Variants in ADAMTS20 observed in about 807,000 individuals in gnomAD.
ADAMTS20 encodes the protein A disintegrin and metalloproteinase with thrombospondin motifs 20.
In ADAMTS20, 225 loss-of-function variants were observed where a neutral mutation model predicts 260.1. That is an observed-to-expected ratio of 0.87 (90% confidence interval 0.78 to 0.97). ADAMTS20 has a LOEUF of 0.97. ADAMTS20 is among the 50% of genes least tolerant of loss of function. The pLI is 0.00. For missense variants in ADAMTS20, 2,400 were observed against 2,337.7 expected (o/e 1.03, Z -0.55); for synonymous variants, 802 against 769.5 (o/e 1.04, Z -0.70).
chr12:43,505,739 T>C (rs1309816889), intron 3 of ADAMTS20, among the ~76,000 whole-genome samples: 1 of 152,190 alleles, frequency 6.6e-6, no homozygotes, highest in Non-Finnish European at 1.5e-5. Flanking sequence ...ACAATATGGA[T>C]GTTCCTTAAG....
At chr12:43,387,626 G>A (rs1001881956) in intron 29 of ADAMTS20, among the ~76,000 whole-genome samples, 2 of 152,188 alleles carry the variant, frequency 1.3e-5, no homozygotes, top group Admixed American at 1.3e-4. Context: ...TCAGGGAGAT[G>A]GGAGTTTTAT....
At chr12:43,502,781 G>T (rs1417501725) in intron 3 of ADAMTS20, among the ~76,000 whole-genome samples, 3 of 152,016 alleles carry the variant, frequency 2.0e-5, no homozygotes, top group Non-Finnish European at 4.4e-5. Flanking sequence ...AGTCAACAAT[G>T]ACATTTAATC....
At chr12:43,453,452 C>T (rs963821209) in intron 12 of ADAMTS20, among the ~76,000 whole-genome samples, 3 of 152,046 alleles carry the variant, frequency 2.0e-5, no homozygotes, top group South Asian at 2.1e-4. Flanking sequence ...GACAATGATG[C>T]GTCTATAACA....
chr12:43,490,356 C>A, intron 7 of ADAMTS20, 39 bp downstream of exon 7: 1 of 1,034,630 alleles, frequency 9.7e-7, no homozygotes, highest in Non-Finnish European at 1.3e-6. Flanking sequence ...ATTCAATAAA[C>A]AATTACATAA....
chr12:43,528,629 T>A (rs1389710704), intron 3 of ADAMTS20, among the ~76,000 whole-genome samples: 5 of 152,178 alleles, frequency 3.3e-5, no homozygotes, highest in African/African-American at 9.6e-5. Context: ...AATGGATCCC[T>A]ATCTCTCCCC....
chr12:43,522,429 A>G (rs1483667113), intron 3 of ADAMTS20, among the ~76,000 whole-genome samples: 3 of 152,170 alleles, frequency 2.0e-5, no homozygotes, highest in East Asian at 3.9e-4. Flanking sequence ...ATCTAAAGAC[A>G]TTTCATTTTC....
chr12:43,452,823 G>A lies in ADAMTS20; in HGVS notation c.1761-128C>T, dbSNP rs901071726. ...GTCCCACTAACACTTTTTAACAGAA[G>A]TATGTAACATGAGTTTTACGCAATT... On this transcript the variant is annotated intron_variant, in intron 12 of 38. Transcript: ENST00000389420. The A allele has an allele frequency of 5.0e-6, 4 of 805,734 alleles. No homozygotes were observed. In the African/African-American group the frequency reaches 6.9e-5, roughly 14 times the overall value. 49.9% of individuals were successfully genotyped at this position (805,734 alleles called of 1,614,324 possible).
At chr12:43,405,246 A>C (rs1265314253) in intron 28 of ADAMTS20, among the ~76,000 whole-genome samples, 4 of 143,438 alleles carry the variant, frequency 2.8e-5, no homozygotes, top group African/African-American at 5.1e-5. Flanking sequence ...AAAAAAAAAA[A>C]AAAAAAAAAA....
chr12:43,396,054 G>C (rs1033176905), intron 29 of ADAMTS20, among the ~76,000 whole-genome samples: 1 of 151,990 alleles, frequency 6.6e-6, no homozygotes, highest in Non-Finnish European at 1.5e-5. Flanking sequence ...AGGAAGTGGG[G>C]GTGGGGTGGG....
At chr12:43,487,196 AATGTGGTATGTATACAC>A (rs1942536037) in intron 7 of ADAMTS20, among the ~76,000 whole-genome samples, 1 of 152,180 alleles carries the variant, frequency 6.6e-6, no homozygotes, top group African/African-American at 2.4e-5. Context: ...GGGCAAAGAA[AATGTGGTATGTATACAC>A]CATGGATTAC....
intron 31 of ADAMTS20, among the ~76,000 whole-genome samples, chr12:43,380,720 G>A (rs187283081): frequency 6.6e-6 from 1 of 152,186 alleles, no homozygotes; most frequent in East Asian, 1.9e-4. Flanking sequence ...CACACTATAA[G>A]ACACACTTGA....
At chr12:43,373,354 T>C (rs1458966963) in intron 36 of ADAMTS20, among the ~76,000 whole-genome samples, 1 of 152,238 alleles carries the variant, frequency 6.6e-6, no homozygotes, top group Non-Finnish European at 1.5e-5. Flanking sequence ...AACATACTTA[T>C]AACCATATAC....
chr12:43,416,010 C>T (rs1592057342), intron 28 of ADAMTS20, among the ~76,000 whole-genome samples: 1 of 152,272 alleles, frequency 6.6e-6, no homozygotes, highest in East Asian at 1.9e-4. Flanking sequence ...CTCAAAATTA[C>T]CCATCACAGC....
At position 43,375,929 on chromosome 12, in the gene ADAMTS20, C is replaced by T. The variant is rs898996746; in HGVS notation, c.5312+128G>A. The T allele has an allele frequency of 7.6e-5, 53 of 701,884 alleles. 1 individual carries two copies. The highest frequency in any genetic ancestry group is 3.9e-4 in the South Asian group (19 of 48,978). The allele number at this position is 701,884 out of a possible 1,614,324, so 43.5% of individuals were successfully genotyped here. A position where few individuals can be genotyped will look rare whatever the true frequency, so the allele number is the denominator to read the frequency against. Reference sequence around the variant, plus strand: ...TAACAACATCTAGTTTAGGTCCTAACATGTCTACCTGCTCCTACATTATTT... The same window carrying T: ...TAACAACATCTAGTTTAGGTCCTAATATGTCTACCTGCTCCTACATTATTT... On this transcript the variant is annotated intron_variant, in intron 35 of 38. Transcript: ENST00000389420.
chr12:43,462,037 T>C (rs1020612778), intron 11 of ADAMTS20, among the ~76,000 whole-genome samples: 13 of 152,222 alleles, frequency 8.5e-5, no homozygotes, highest in African/African-American at 3.1e-4. Flanking sequence ...CACACACCTT[T>C]TGATGCAAGT....
At chr12:43,429,838 A>G (rs925187181) in intron 23 of ADAMTS20, 114 bp from the exon 24 acceptor site, 2 of 631,924 alleles carry the variant, frequency 3.2e-6, no homozygotes, top group Non-Finnish European at 5.2e-6. Context: ...TAAATTAGAA[A>G]TTGGTAATAT....
intron 37 of ADAMTS20, among the ~76,000 whole-genome samples, chr12:43,367,843 G>A (rs150182553): frequency 2.8e-3 from 433 of 152,076 alleles, no homozygotes; most frequent in Non-Finnish European, 5.4e-3. Context: ...CAGAATTCAA[G>A]ATCAATCCAT....
chr12:43,516,291 G>C lies in ADAMTS20; in HGVS notation c.614-13886C>G, dbSNP rs575729930. Among the ~76,000 whole-genome samples, 63 of 152,298 alleles carry C rather than the reference G, an allele frequency of 4.1e-4. 1 individual carries two copies. The highest frequency in any genetic ancestry group is 1.8e-3 in the Admixed American group (27 of 15,286). On this transcript the variant is annotated intron_variant, in intron 3 of 38. Coordinates refer to ENST00000389420, the MANE Select transcript of ADAMTS20 (RefSeq NM_025003.5). ...GTACTCTGTGAATGCAGCCCAGTCA[G>C]ACGTGTCAATGTCTTTAAAAATAGG...
intron 7 of ADAMTS20, among the ~76,000 whole-genome samples, chr12:43,473,804 A>C (rs1236390481): frequency 3.8e-5 from 1 of 26,248 alleles, no homozygotes; most frequent in African/African-American, 1.4e-4. Flanking sequence ...ACAAAGACAC[A>C]ACATACCAGA....
Sources: allele counts gnomAD v4.1 joint callset (sites outside exome capture counted in the v4.1 genomes callset), GRCh38; gene constraint gnomAD v4.1.1; transcripts MANE v1.5; gene names NCBI Gene and HGNC (gene_info 2026-07-23, HGNC 2026-07-21).